NARS2: variants seen among roughly 807,000 people sequenced by gnomAD.
The protein encoded by NARS2 is asparaginyl-tRNA synthetase.
A neutral mutation model predicts 62.9 loss-of-function variants in NARS2; 60 were observed. The observed-to-expected ratio is 0.95, with a 90% CI of 0.77 to 1.18. The LOEUF (loss-of-function observed/expected upper bound fraction) is 1.18, where lower values mean the gene tolerates loss of function less well. Ranked by LOEUF, NARS2 falls within the 50% of genes most tolerant of loss-of-function variation. The pLI, the probability that NARS2 is intolerant of heterozygous loss-of-function variation, is 0.00. For missense variants in NARS2, 619 were observed against 576.4 expected, an observed-to-expected ratio of 1.07 and a Z score of -0.76; for synonymous variants, 196 against 200.0, an observed-to-expected ratio of 0.98 and a Z score of 0.17.
intron 11 of NARS2, among the ~76,000 whole-genome samples, chr11:78,444,348 TATAAA>T (rs1857678635): frequency 6.6e-6 from 1 of 152,156 alleles, no homozygotes; most frequent in Non-Finnish European, 1.5e-5. Context: ...TATTAGGACA[TATAAA>T]ATAAATTCTG....
intron 6 of NARS2, among the ~76,000 whole-genome samples, chr11:78,521,589 G>C (rs1241956451): frequency 6.6e-6 from 1 of 152,070 alleles, no homozygotes; most frequent in Non-Finnish European, 1.5e-5. Context: ...AGGAGATCGA[G>C]ACCATCCCGG....
intron 9 of NARS2, among the ~76,000 whole-genome samples, chr11:78,475,580 CTTTTTTTTTTT>C (rs377023107): frequency 0.038 from 3,582 of 94,080 alleles, 123 homozygotes; most frequent in African/African-American, 0.13. Flanking sequence ...TATCATTTGA[CTTTTTTTTTTT>C]TTTTTTTTTT....
intron 11 of NARS2, among the ~76,000 whole-genome samples, chr11:78,445,023 T>C (rs1170732179): frequency 6.6e-6 from 1 of 152,146 alleles, no homozygotes; most frequent in East Asian, 1.9e-4. Context: ...GACAAAAAGT[T>C]CAAATGTACA....
intron 3 of NARS2, 96 bp downstream of exon 3, chr11:78,568,536 T>C (rs1040090383): frequency 9.4e-6 from 13 of 1,387,508 alleles, no homozygotes; most frequent in Non-Finnish European, 1.1e-5. Flanking sequence ...AAATGAAATA[T>C]ATTCTAAGTT....
At chr11:78,466,335 A>T (rs924258825) in intron 10 of NARS2, among the ~76,000 whole-genome samples, 2 of 142,422 alleles carry the variant, frequency 1.4e-5, no homozygotes, top group South Asian at 2.2e-4. Flanking sequence ...ACAAGGAGAT[A>T]AAAAAAAAAA....
chr11:78,478,970 C>T (rs1317101622), intron 7 of NARS2, among the ~76,000 whole-genome samples: 3 of 152,164 alleles, frequency 2.0e-5, no homozygotes, highest in Non-Finnish European at 4.4e-5. Context: ...ATCAATGCCT[C>T]TCTAAATTTC....
chr11:78,455,599 CCT>C (rs1281669869), intron 11 of NARS2, among the ~76,000 whole-genome samples: 3 of 152,004 alleles, frequency 2.0e-5, no homozygotes, highest in African/African-American at 7.2e-5. Context: ...ACTATGATCC[CCT>C]GAGAATACTG....
intron 6 of NARS2, among the ~76,000 whole-genome samples, chr11:78,519,701 G>A (rs939280775): frequency 6.8e-6 from 1 of 146,128 alleles, no homozygotes. Context: ...TTTAGTTGTT[G>A]AGTTTTTTTT....
intron 5 of NARS2, among the ~76,000 whole-genome samples, chr11:78,544,710 C>G (rs1007498113): frequency 9.0e-5 from 13 of 143,804 alleles, no homozygotes; most frequent in Non-Finnish European, 3.0e-5. Context: ...AGGAGAACGG[C>G]GTGAACCTGG....
In NARS2 at chr11:78,574,418, G is replaced by T; in HGVS notation, c.71C>A (p.Pro24His). Residue 24 changes from proline (P) to histidine (H), a missense_variant, in exon 1 of 14, where the codon CCT becomes CAT. Physicochemically the swap from Pro to His is moderately conservative, Grantham distance 77 (BLOSUM62 -2). Coordinates refer to ENST00000281038, the MANE Select transcript of NARS2 (RefSeq NM_024678.6). ...GTCCCGCACGCTCAGTTTGGCTGAAGGTTTGTGCTTGGGGAAGGGGGCGGA... is the reference window on the plus strand; with the variant it reads ...GTCCCGCACGCTCAGTTTGGCTGAATGTTTGTGCTTGGGGAAGGGGGCGGA... Reference protein sequence around the residue: ...CSSAPFPKHKPSAKLSVRDAL... With the variant: ...CSSAPFPKHKHSAKLSVRDAL... The T allele has an allele frequency of 6.2e-7, 1 of 1,614,220 alleles. No homozygotes were observed. Among genetic ancestry groups the T allele is most frequent in the Non-Finnish European group, 8.5e-7 (1 of 1,180,038 alleles).
chr11:78,457,824 AC>A (rs1858227665), intron 11 of NARS2, among the ~76,000 whole-genome samples: 1 of 151,406 alleles, frequency 6.6e-6, no homozygotes, highest in Non-Finnish European at 1.5e-5. Context: ...ACACACACAC[AC>A]ACAAACACAC....
In NARS2 at chr11:78,507,364, C is replaced by T. The variant is rs114937987; in HGVS notation, c.690-14169G>A. ...GACCTGAGAAGACATTAAGTTTATACTTTGGGCTGAAGCCTGGCATAGAGA... is the reference window on the plus strand; with the variant it reads ...GACCTGAGAAGACATTAAGTTTATATTTTGGGCTGAAGCCTGGCATAGAGA... On this transcript the variant is annotated intron_variant, in intron 6 of 13. Coordinates refer to ENST00000281038, the MANE Select transcript of NARS2 (RefSeq NM_024678.6). Among the ~76,000 whole-genome samples the T allele has an allele frequency of 3.8e-3, 572 of 152,096 alleles. 3 individuals carry two copies. Among genetic ancestry groups the T allele is most frequent in the African/African-American group, 0.013 (540 of 41,490 alleles).
At chr11:78,466,643 G>T (rs139006522) in intron 10 of NARS2, among the ~76,000 whole-genome samples, 2,193 of 152,100 alleles carry the variant, frequency 0.014, 54 homozygotes, top group African/African-American at 0.05. Context: ...ACCATGCCCG[G>T]CTATTTTTTT....
intron 11 of NARS2, among the ~76,000 whole-genome samples, chr11:78,465,117 C>G (rs187352476): frequency 6.6e-6 from 1 of 152,218 alleles, no homozygotes; most frequent in Non-Finnish European, 1.5e-5. Context: ...CCCTGCCCCA[C>G]GGGAAGGCAG....
intron 5 of NARS2, among the ~76,000 whole-genome samples, chr11:78,538,076 C>T (rs1855436469): frequency 1.3e-5 from 2 of 152,172 alleles, no homozygotes; most frequent in Admixed American, 1.3e-4. Flanking sequence ...GGACATGAAT[C>T]ATTCCTTTGT....
chr11:78,438,197 C>G (rs907390530), intron 13 of NARS2, among the ~76,000 whole-genome samples: 2 of 151,796 alleles, frequency 1.3e-5, no homozygotes, highest in African/African-American at 4.8e-5. Flanking sequence ...AAGCACTTAT[C>G]TTTTTAAAGG....
At chr11:78,505,787 C>T (rs1456180612) in intron 6 of NARS2, among the ~76,000 whole-genome samples, 5 of 151,964 alleles carry the variant, frequency 3.3e-5, no homozygotes, top group African/African-American at 7.3e-5. Flanking sequence ...TAGGAAAAAA[C>T]ATGGAAGAAA....
chr11:78,509,718 C>T (rs1360002638), intron 6 of NARS2, among the ~76,000 whole-genome samples: 1 of 150,534 alleles, frequency 6.6e-6, no homozygotes, highest in Non-Finnish European at 1.5e-5. Context: ...GAAGAAGGGG[C>T]TGTTAAAAGT....
Position 78,478,422 on chromosome 11 carries a change from T to C in NARS2, c.959+16A>G. On this transcript the variant is annotated intron_variant, in intron 9 of 13. Coordinates refer to ENST00000281038, the MANE Select transcript of NARS2 (RefSeq NM_024678.6). ...GTGATAATGAATAAAGTTCAAAAAG[T>C]ATAACATCTACTTACATTAAAAAGT... The C allele has an allele frequency of 9.8e-7, 1 of 1,019,694 alleles. No individual in the cohort carries two copies. Among genetic ancestry groups the C allele is most frequent in the Non-Finnish European group, 1.4e-6 (1 of 720,714 alleles). The allele number at this position is 1,019,694 out of a possible 1,614,324, so 63.2% of individuals were successfully genotyped here.
Sources: allele counts gnomAD v4.1 joint callset (sites outside exome capture counted in the v4.1 genomes callset), GRCh38; gene constraint gnomAD v4.1.1; transcripts MANE v1.5; gene names NCBI Gene and HGNC (gene_info 2026-07-23, HGNC 2026-07-21).